The following KCNIP4 variants were observed in gnomAD, a reference collection of about 807,000 sequenced individuals.
KCNIP4 encodes the protein Kv channel-interacting protein 4.
KCNIP4 carries 12 observed loss-of-function variants against 34.0 expected under a neutral mutation model. The ratio of observed to expected loss-of-function variants is 0.35; its 90% CI spans 0.23 to 0.57. KCNIP4 has a LOEUF of 0.57. Ranked by LOEUF, KCNIP4 falls within the 20% of genes least tolerant of loss-of-function variation. KCNIP4 has a pLI of 0.83. For synonymous variants in KCNIP4, 124 were observed against 102.2 expected (o/e 1.21, Z -1.29); for missense variants, 238 against 311.7 (o/e 0.76, Z 1.78).
chr4:21,494,724 G>A (rs968945911), intron 1 of KCNIP4, among the ~76,000 whole-genome samples: 19 of 147,550 alleles, frequency 1.3e-4, no homozygotes, highest in Non-Finnish European at 2.2e-4. Context: ...GGTGAGCCAA[G>A]ATCGCGCCAC....
intron 1 of KCNIP4, among the ~76,000 whole-genome samples, chr4:21,680,080 T>C (rs1750221910): frequency 6.6e-6 from 1 of 152,250 alleles, no homozygotes; most frequent in African/African-American, 2.4e-5. Context: ...CTGATGCTGT[T>C]TGATAACATT....
Position 21,099,080 on chromosome 4 carries a change from C to T in KCNIP4, c.62-216371G>A, listed in dbSNP as rs7658908. 5.3e-5 allele frequency among the ~76,000 whole-genome samples: 8 copies of T among 152,054 alleles called. No individual in the cohort carries two copies. The East Asian group carries it at 9.7e-4, about 18-fold the overall frequency. On this transcript the variant is annotated intron_variant, in intron 1 of 8. Transcript: ENST00000382152. ...TGTGGTAAATCCTCAAAGATCTAGACGCAGAAATATCATTTGACTCAGCAA... is the reference window on the plus strand; with the variant it reads ...TGTGGTAAATCCTCAAAGATCTAGATGCAGAAATATCATTTGACTCAGCAA...
At chr4:21,765,839 AC>A (rs368333614) in intron 1 of KCNIP4, among the ~76,000 whole-genome samples, 6 of 149,536 alleles carry the variant, frequency 4.0e-5, no homozygotes, top group African/African-American at 7.4e-5. Flanking sequence ...AAAAAAAAAA[AC>A]AAACTGAAGA....
intron 1 of KCNIP4, among the ~76,000 whole-genome samples, chr4:21,545,349 G>A (rs534419059): frequency 6.6e-6 from 1 of 152,236 alleles, no homozygotes; most frequent in African/African-American, 2.4e-5. Context: ...GGGCTGCTCT[G>A]CCCATGGAGT....
intron 1 of KCNIP4, among the ~76,000 whole-genome samples, chr4:21,344,798 T>G (rs915309911): frequency 6.6e-5 from 10 of 152,152 alleles, no homozygotes; most frequent in African/African-American, 2.2e-4. Flanking sequence ...ATTCTTAAAG[T>G]CATGTTGTTA....
At chr4:21,780,928 A>G (rs935888190) in intron 1 of KCNIP4, among the ~76,000 whole-genome samples, 3 of 152,028 alleles carry the variant, frequency 2.0e-5, no homozygotes, top group African/African-American at 7.2e-5. Context: ...TCATCACTCC[A>G]ATTTTTGCTT....
At chr4:20,859,379 T>C (rs1352429356) in intron 2 of KCNIP4, among the ~76,000 whole-genome samples, 1 of 152,206 alleles carries the variant, frequency 6.6e-6, no homozygotes, top group Non-Finnish European at 1.5e-5. Context: ...GAAGAGCCAA[T>C]TCAAATGCGC....
chr4:20,856,243 TGC>T (rs1358286670), intron 2 of KCNIP4, among the ~76,000 whole-genome samples: 1 of 152,220 alleles, frequency 6.6e-6, no homozygotes, highest in African/African-American at 2.4e-5. Context: ...AGAAAGCCTG[TGC>T]TTTCTTGAAC....
intron 1 of KCNIP4, among the ~76,000 whole-genome samples, chr4:21,428,496 G>T (rs1418520328): frequency 6.6e-6 from 1 of 152,156 alleles, no homozygotes; most frequent in Non-Finnish European, 1.5e-5. Context: ...TCAGCCTGCA[G>T]GCTTCAAAAA....
chr4:20,857,961 C>A (rs1399389643), intron 2 of KCNIP4, among the ~76,000 whole-genome samples: 1 of 151,938 alleles, frequency 6.6e-6, no homozygotes, highest in Non-Finnish European at 1.5e-5. Flanking sequence ...GTAATCCCAG[C>A]ACTTTGAGAG....
intron 1 of KCNIP4, among the ~76,000 whole-genome samples, chr4:21,135,992 G>T (rs1168704033): frequency 6.6e-6 from 1 of 152,176 alleles, no homozygotes; most frequent in Non-Finnish European, 1.5e-5. Flanking sequence ...AACAGCTTAA[G>T]TAGTAGTATT....
intron 1 of KCNIP4, among the ~76,000 whole-genome samples, chr4:21,144,089 TAAC>T (rs914722792): frequency 3.3e-5 from 5 of 152,204 alleles, no homozygotes; most frequent in South Asian, 2.1e-4. Context: ...AGATAACTGA[TAAC>T]AATACAAATA....
intron 1 of KCNIP4, among the ~76,000 whole-genome samples, chr4:21,598,289 T>G (rs970449903): frequency 1.3e-5 from 2 of 152,148 alleles, no homozygotes; most frequent in Non-Finnish European, 2.9e-5. Flanking sequence ...ACATGCATTT[T>G]AAGTTAACTG....
chr4:21,326,756 T>A (rs1235740708), intron 1 of KCNIP4, among the ~76,000 whole-genome samples: 2 of 151,792 alleles, frequency 1.3e-5, no homozygotes, highest in Non-Finnish European at 1.5e-5. Context: ...AGTGAAGGTG[T>A]TTTTCTCTGG....
intron 1 of KCNIP4, among the ~76,000 whole-genome samples, chr4:21,648,126 G>A (rs575801252): frequency 2.0e-5 from 3 of 151,756 alleles, no homozygotes; most frequent in Non-Finnish European, 4.4e-5. Context: ...GCCTGCCTCG[G>A]CCTCCCAAAG....
intron 3 of KCNIP4, among the ~76,000 whole-genome samples, chr4:20,775,450 C>T (rs1327780865): frequency 6.6e-6 from 1 of 151,388 alleles, no homozygotes; most frequent in African/African-American, 2.4e-5. Flanking sequence ...CCTGTAATCC[C>T]AGCACTTTGG....
intron 1 of KCNIP4, among the ~76,000 whole-genome samples, chr4:21,471,700 C>G (rs972264431): frequency 6.6e-6 from 1 of 152,132 alleles, no homozygotes; most frequent in Non-Finnish European, 1.5e-5. Context: ...TCTTGTGGAA[C>G]AGATATTCCC....
intron 1 of KCNIP4, among the ~76,000 whole-genome samples, chr4:21,609,910 A>C (rs1744018044): frequency 6.6e-6 from 1 of 152,194 alleles, no homozygotes; most frequent in South Asian, 2.1e-4. Context: ...CTGAAGATCG[A>C]ATACTATCTG....
At chr4:21,240,046 A>G (rs78872088) in intron 1 of KCNIP4, among the ~76,000 whole-genome samples, 1 of 152,028 alleles carries the variant, frequency 6.6e-6, no homozygotes, top group Admixed American at 6.6e-5. Context: ...ATGCAGCCAT[A>G]AAAAATGATG....
Sources: allele counts gnomAD v4.1 joint callset (sites outside exome capture counted in the v4.1 genomes callset), GRCh38; gene constraint gnomAD v4.1.1; transcripts MANE v1.5; gene names NCBI Gene and HGNC (gene_info 2026-07-23, HGNC 2026-07-21).